SCUBE2: variants seen among roughly 807,000 people sequenced by gnomAD.
SCUBE2 encodes the protein signal peptide, CUB and EGF-like domain-containing protein 2.
In SCUBE2, 114 loss-of-function variants were observed where a neutral mutation model predicts 125.9. The observed-to-expected ratio is 0.91, with a 90% CI of 0.78 to 1.06. The LOEUF (loss-of-function observed/expected upper bound fraction) is 1.06, where lower values mean the gene tolerates loss of function less well. Among genes scored for constraint, SCUBE2 ranks in the 50% least tolerant of loss-of-function variants. SCUBE2 has a pLI of 0.00. For missense variants in SCUBE2, 1,255 were observed against 1,301.8 expected (o/e 0.96, Z 0.55); for synonymous variants, 459 against 492.9 (o/e 0.93, Z 0.91).
At chr11:9,083,054 T>C (rs1362597926) in intron 2 of SCUBE2, among the ~76,000 whole-genome samples, 1 of 123,850 alleles carries the variant, frequency 8.1e-6, no homozygotes. Flanking sequence ...AAAATAAATA[T>C]AGAAAGGTAA....
Position 9,066,682 on chromosome 11 carries a change from G to C in SCUBE2, c.760+15C>G, listed in dbSNP as rs752813970. The C allele has an allele frequency of 3.8e-6, 6 of 1,598,244 alleles. No homozygotes were observed. The South Asian group carries it at 6.6e-5, about 18-fold the overall frequency. On this transcript the variant is annotated intron_variant, in intron 6 of 22. Coordinates refer to ENST00000649792, the MANE Select transcript of SCUBE2 (RefSeq NM_001367977.2). ...CTGGTGCAGACCCTCACTCAGTGTT[G>C]GGGTTGCCACTCACCAAGGCAGCTC... is the stretch of plus-strand genomic sequence containing the variant.
At chr11:9,064,385 G>T (rs1001651488) in intron 7 of SCUBE2, 1 of 151,402 alleles carries the variant, frequency 6.6e-6, no homozygotes, top group African/African-American at 2.4e-5. Context: ...AGAATCGCTT[G>T]AGCCTGGGAG....
Position 9,021,004 on chromosome 11 carries a change from C to G in SCUBE2, c.*41G>C, listed in dbSNP as rs564311159. The G allele has an allele frequency of 1.9e-6, 3 of 1,587,242 alleles. No individual in the cohort carries two copies. The highest frequency in any genetic ancestry group is 3.4e-5 in the Admixed American group (2 of 58,092). On this transcript the variant is annotated 3_prime_UTR_variant, in exon 23 of 23. Transcript: ENST00000649792. ...AGGAAGACAGCTCTGTCCCACCAAC[C>G]CTATAGCAGAACATTTGTATTGAGT... is the stretch of plus-strand genomic sequence containing the variant.
chr11:9,079,378 C>T lies in SCUBE2; in HGVS notation c.382+6G>A, dbSNP rs770601932. 6.2e-7 allele frequency: 1 copy of T among 1,613,872 alleles called. No individual in the cohort carries two copies. The highest frequency in any genetic ancestry group is 1.1e-5 in the South Asian group (1 of 91,012). On this transcript the variant is annotated splice_donor_region_variant and intron_variant, in intron 3 of 22. Transcript: ENST00000649792. ...GAGAATTGCCATTTCCAAATGCCTT[C>T]CTTACCAAGACAATTATGACCGTCA... is the stretch of plus-strand genomic sequence containing the variant.
chr11:9,070,895 T>C (rs1434347313), intron 4 of SCUBE2, among the ~76,000 whole-genome samples: 1 of 152,222 alleles, frequency 6.6e-6, no homozygotes. Context: ...CTGCCTGCAC[T>C]CCAGCACTCA....
chr11:9,029,986 C>T lies in SCUBE2; in HGVS notation c.2401G>A (p.Val801Met). Residue 801 changes from valine to methionine, a missense_variant, in exon 19 of 23, where the codon GTG becomes ATG. Coordinates refer to ENST00000649792, the MANE Select transcript of SCUBE2 (RefSeq NM_001367977.2). ...CCAAATTCAGGCTGGTATGTTCCCA[C>T]TGGGCAACGAATACATCGGTGAGTG... Reference protein sequence around the residue: ...TTTHRCIRCPVGTYQPEFGKN... With the variant: ...TTTHRCIRCPMGTYQPEFGKN... 1 of 1,614,162 alleles carries T rather than the reference C, an allele frequency of 6.2e-7. No individual in the cohort carries two copies. Among genetic ancestry groups the T allele is most frequent in the South Asian group, 1.1e-5 (1 of 91,082 alleles).
intron 14 of SCUBE2, 145 bp downstream of exon 14, chr11:9,050,460 TG>T (rs1391121358): frequency 1.5e-6 from 1 of 657,324 alleles, no homozygotes; most frequent in East Asian, 2.6e-5. Context: ...GATGAGTCCC[TG>T]GAAGTTGGGG....
In SCUBE2 at chr11:9,047,984, G is replaced by T; in HGVS notation, c.1754C>A (p.Thr585Asn). ...GTTAGTTTCAAGCTCAAACTCAACA[G>T]TGATAAACATTTCCTTAGGGGTGCT... ...RPSTPKEMFI[T>N]VEFELETNQK... The change falls in exon 15 of 23, where the codon ACT becomes AAT. Residue 585 changes from threonine to asparagine, a missense_variant. Physicochemically the swap from Thr to Asn is moderately conservative, Grantham distance 65 (BLOSUM62 0). Transcript: ENST00000649792. 1 of 1,614,152 alleles carries T rather than the reference G, an allele frequency of 6.2e-7. No individual in the cohort carries two copies.
Position 9,091,311 on chromosome 11 carries a change from C to T in SCUBE2, c.133+85G>A. 1 of 1,013,704 alleles carries T rather than the reference C, an allele frequency of 9.9e-7. No individual in the cohort carries two copies. The highest frequency in any genetic ancestry group is 4.4e-5 in the South Asian group (1 of 22,844). The allele number at this position is 1,013,704 out of a possible 1,614,324, so 62.8% of individuals were successfully genotyped here. ...GCCGCCAGCCCCGAGCCCCGCGCGC[C>T]CGGCTCTGGACTCCGCCGGGGACCT... On this transcript the variant is annotated intron_variant, in intron 1 of 22. Coordinates refer to ENST00000649792, the MANE Select transcript of SCUBE2 (RefSeq NM_001367977.2). This position sits in a 1 kb window ranked among gnomAD's most constrained non-coding sequence, Gnocchi z 8.5.
At position 9,074,346 on chromosome 11, in the gene SCUBE2, G is replaced by A. The variant is rs532331453; in HGVS notation, c.517+135C>T. The A allele has an allele frequency of 1.2e-5, 13 of 1,059,222 alleles. No homozygotes were observed. The African/African-American group carries it at 1.6e-4, about 13-fold the overall frequency. 65.6% of individuals were successfully genotyped at this position (1,059,222 alleles called of 1,614,324 possible). On this transcript the variant is annotated intron_variant, in intron 4 of 22. Transcript: ENST00000649792. ...ACTTGCCCACGGTTACCCGGCAGTG[G>A]AGTCTGGACTCGTCCTCAGGCCTCC...
At position 9,019,939 on chromosome 11, in the gene SCUBE2, C is replaced by T. The variant is rs1157788198; in HGVS notation, c.*1106G>A. Among the ~76,000 whole-genome samples the T allele has an allele frequency of 1.2e-4, 18 of 152,200 alleles. No homozygotes were observed. Among genetic ancestry groups the T allele is most frequent in the Non-Finnish European group, 2.1e-4 (14 of 68,046 alleles). On this transcript the variant is annotated 3_prime_UTR_variant, in exon 23 of 23. Transcript: ENST00000649792. Reference sequence around the variant, plus strand: ...AGAAATGATCGTGAGGCCCTGCTGGCCTGACCCAAAGTGAGATGATCGTGT... The same window carrying T: ...AGAAATGATCGTGAGGCCCTGCTGGTCTGACCCAAAGTGAGATGATCGTGT...
chr11:9,049,068 C>T (rs952193835), intron 14 of SCUBE2, among the ~76,000 whole-genome samples: 2 of 151,938 alleles, frequency 1.3e-5, no homozygotes, highest in African/African-American at 4.8e-5. Flanking sequence ...ATTTTTTTAA[C>T]TTTTCATTTT....
rs1254585059 is a variant in SCUBE2, at chr11:9,033,776, A to G, written c.2023T>C (p.Tyr675His). 2 of 1,614,144 alleles carry G rather than the reference A, an allele frequency of 1.2e-6. No individual in the cohort carries two copies. Among genetic ancestry groups the G allele is most frequent in the Admixed American group, 1.7e-5 (1 of 60,014 alleles). ...NQCVSCRAGTYYDGARERCIL... is the reference protein window; with the variant it reads ...NQCVSCRAGTHYDGARERCIL... ...CAGCGTTCTCGTGCTCCATCATAATAGGTCCCAGCCCTGCAACTGACTAGC... is the reference window on the plus strand; with the variant it reads ...CAGCGTTCTCGTGCTCCATCATAATGGGTCCCAGCCCTGCAACTGACTAGC... The change falls in exon 17 of 23, where the codon TAT becomes CAT. Residue 675 changes from tyrosine (Y) to histidine (H), a missense_variant. This residue lies in a region of SCUBE2 where 515 missense variants were observed against 515.7 expected (regional missense o/e 1.00). Transcript: ENST00000649792.
chr11:9,025,797 G>C lies in SCUBE2; in HGVS notation c.2759C>G (p.Ala920Gly). The change falls in exon 21 of 23, where the codon GCC becomes GGC. Residue 920 changes from alanine to glycine, a missense_variant. Ala to Gly is a moderately conservative substitution (Grantham distance 60). This residue lies in a region of SCUBE2 where 515 missense variants were observed against 515.7 expected (regional missense o/e 1.00). Transcript: ENST00000649792. ...ETCQTYERPIAFTSRSKKLWI... is the reference protein window; with the variant it reads ...ETCQTYERPIGFTSRSKKLWI... ...CAGCTTCTTTGACCTGGAGGTGAAGGCGATGGGGCGTTCGTAGGTCTGGCA... is the reference window on the plus strand; with the variant it reads ...CAGCTTCTTTGACCTGGAGGTGAAGCCGATGGGGCGTTCGTAGGTCTGGCA... 6.2e-7 allele frequency: 1 copy of C among 1,614,198 alleles called. No individual in the cohort carries two copies. Among genetic ancestry groups the C allele is most frequent in the Middle Eastern group, 1.6e-4 (1 of 6,062 alleles).
chr11:9,054,722 TA>T (rs61470123), intron 10 of SCUBE2, among the ~76,000 whole-genome samples: 1,014 of 70,168 alleles, frequency 0.014, 48 homozygotes, highest in Non-Finnish European at 0.018. Context: ...TATATATATA[TA>T]TATTTTTTTT....
rs766924220 is a variant in SCUBE2, at chr11:9,059,347, C to A, written c.1046G>T (p.Cys349Phe). Residue 349 changes from cysteine (C) to phenylalanine (F), a missense_variant, in exon 9 of 23, where the codon TGC (cysteine) becomes TTC (phenylalanine). Physicochemically the swap from Cys to Phe is radical, Grantham distance 205 (BLOSUM62 -2). Coordinates refer to ENST00000649792, the MANE Select transcript of SCUBE2 (RefSeq NM_001367977.2). ...KNIVGSFDCG[C>F]KKGFKLLTDE... ...TGTTAATAATTTAAATCCTTTCTTG[C>A]AGCCGCAGTCAAAACTGCCCACGAT... The A allele has an allele frequency of 6.2e-6, 10 of 1,614,088 alleles. No homozygotes were observed. In the African/African-American group the frequency reaches 1.2e-4, roughly 19 times the overall value.
intron 9 of SCUBE2, 49 bp from the exon 10 acceptor site, chr11:9,055,958 A>T (rs1257282800): frequency 2.2e-6 from 3 of 1,389,506 alleles, no homozygotes; most frequent in Non-Finnish European, 3.1e-6. Flanking sequence ...CTGAGGGATG[A>T]GTGAAGAATA....
intron 6 of SCUBE2, 44 bp from the exon 7 acceptor site, chr11:9,066,024 T>C (rs768114258): frequency 7.4e-7 from 1 of 1,348,564 alleles, no homozygotes; most frequent in African/African-American, 1.4e-5. Context: ...CTGAATGAGT[T>C]AGATTGCTCA....
At chr11:9,043,606 TG>T (rs77406670) in intron 16 of SCUBE2, among the ~76,000 whole-genome samples, 13,504 of 152,124 alleles carry the variant, frequency 0.089, 755 homozygotes, top group East Asian at 0.2. Context: ...AATATACAAT[TG>T]GTCAGAAGTG....
Sources: gnomAD v4.1 joint callset for allele counts (sites outside exome capture counted in the v4.1 genomes callset) on GRCh38, gnomAD v4.1.1 for gene constraint, gnomAD v4.1.1 regional missense constraint, Gnocchi (gnomAD v3.1) non-coding constraint, MANE v1.5 for transcripts, NCBI Gene and HGNC (gene_info 2026-07-23, HGNC 2026-07-21) for gene names.